UBE2H: variants seen among roughly 807,000 people sequenced by gnomAD.
The protein encoded by UBE2H is ubiquitin-conjugating enzyme E2 H.
A neutral mutation model predicts 29.0 loss-of-function variants in UBE2H; 3 were observed. The observed-to-expected ratio is 0.10, with a 90% CI of 0.05 to 0.27. The LOEUF (loss-of-function observed/expected upper bound fraction) is 0.27. UBE2H is among the 10% of genes least tolerant of loss of function. The pLI is 1.00. For missense variants in UBE2H, 68 were observed against 228.2 expected (o/e 0.30, Z 4.52); for synonymous variants, 69 against 82.9 (o/e 0.83, Z 0.91).
At chr7:129,858,162 AT>A (rs1227561103) in intron 4 of UBE2H, among the ~76,000 whole-genome samples, 1 of 152,232 alleles carries the variant, frequency 6.6e-6, no homozygotes, top group Non-Finnish European at 1.5e-5. Context: ...TTAAATAAGT[AT>A]TGCATTAACG....
intron 1 of UBE2H, among the ~76,000 whole-genome samples, chr7:129,900,869 GCCT>G (rs1317137555): frequency 6.6e-6 from 1 of 150,670 alleles, no homozygotes; most frequent in Non-Finnish European, 1.5e-5. Context: ...TCCTGCCTCA[GCCT>G]CCTGAGTAGC....
intron 1 of UBE2H, among the ~76,000 whole-genome samples, chr7:129,934,510 CA>C (rs1293715384): frequency 6.6e-6 from 1 of 150,920 alleles, no homozygotes; most frequent in Non-Finnish European, 1.5e-5. Flanking sequence ...TGGTCGTGGG[CA>C]CCTGTAATCC....
intron 3 of UBE2H, among the ~76,000 whole-genome samples, chr7:129,873,425 C>CT (rs373132869): frequency 0.18 from 22,574 of 122,910 alleles, 2,193 homozygotes; most frequent in African/African-American, 0.29. Flanking sequence ...ACATCAAATT[C>CT]TTTTTTTTTT....
intron 1 of UBE2H, among the ~76,000 whole-genome samples, chr7:129,929,047 G>C (rs1232761247): frequency 1.3e-5 from 2 of 152,118 alleles, no homozygotes; most frequent in East Asian, 3.8e-4. Flanking sequence ...GGCCAGGCAC[G>C]GTGGCTCACG....
intron 2 of UBE2H, 129 bp downstream of exon 2, chr7:129,880,766 C>G: frequency 1.5e-6 from 1 of 685,604 alleles, no homozygotes; most frequent in Non-Finnish European, 2.4e-6. Context: ...AAGATTTCCT[C>G]ACTGGTTCTG....
chr7:129,889,529 G>A (rs1454226242), intron 1 of UBE2H, among the ~76,000 whole-genome samples: 1 of 152,164 alleles, frequency 6.6e-6, no homozygotes. Flanking sequence ...TCTCAGTGAG[G>A]CCTTCTGGGA....
intron 1 of UBE2H, among the ~76,000 whole-genome samples, chr7:129,940,130 T>C (rs912663325): frequency 4.6e-5 from 7 of 152,188 alleles, no homozygotes; most frequent in African/African-American, 1.7e-4. Flanking sequence ...GTTTTCTATT[T>C]ATATTACCTC....
At chr7:129,885,918 G>A (rs536032804) in intron 1 of UBE2H, among the ~76,000 whole-genome samples, 8 of 152,262 alleles carry the variant, frequency 5.3e-5, no homozygotes, top group African/African-American at 1.9e-4. Flanking sequence ...ATTTATGGGA[G>A]AGACCACGAG....
chr7:129,869,372 C>T (rs1805982484), intron 3 of UBE2H, among the ~76,000 whole-genome samples: 1 of 152,062 alleles, frequency 6.6e-6, no homozygotes, highest in Non-Finnish European at 1.5e-5. Flanking sequence ...ATCTCCTATC[C>T]TACCAATCCC....
chr7:129,944,734 A>G (rs868343709), intron 1 of UBE2H, among the ~76,000 whole-genome samples: 1 of 134,426 alleles, frequency 7.4e-6, no homozygotes, highest in South Asian at 2.6e-4. Flanking sequence ...ACACACACAC[A>G]CACACACACA....
rs1420775022 is a variant in UBE2H at position 129,839,405 on chromosome 7, G to A, written c.299-70C>T. 4.4e-6 allele frequency: 7 copies of A among 1,598,800 alleles called. No individual in the cohort carries two copies. The African/African-American group carries it at 5.4e-5, about 12-fold the overall frequency. ...ACCTAAAATTCACTTGCATTCAGTA[G>A]TCAAGCTGCTTACCTTCTTAGATAT... On this transcript the variant is annotated intron_variant, in intron 5 of 6. Coordinates refer to ENST00000355621, the MANE Select transcript of UBE2H (RefSeq NM_003344.4).
intron 5 of UBE2H, among the ~76,000 whole-genome samples, chr7:129,840,282 C>T (rs2631606): frequency 0.29 from 44,044 of 151,884 alleles, 8,241 homozygotes; most frequent in Non-Finnish European, 0.42. Context: ...AACTCTTGGG[C>T]TCAAGCCAAC....
At chr7:129,936,946 C>T (rs1283312112) in intron 1 of UBE2H, among the ~76,000 whole-genome samples, 1 of 151,600 alleles carries the variant, frequency 6.6e-6, no homozygotes, top group Non-Finnish European at 1.5e-5. Context: ...CCACTATACT[C>T]CAGCCTGGGC....
intron 1 of UBE2H, among the ~76,000 whole-genome samples, chr7:129,924,935 C>G (rs970520111): frequency 6.6e-6 from 1 of 151,412 alleles, no homozygotes; most frequent in African/African-American, 2.4e-5. Flanking sequence ...GTTGAGGGTA[C>G]AAGCTAAACT....
intron 1 of UBE2H, among the ~76,000 whole-genome samples, chr7:129,896,336 CA>C (rs879287197): frequency 5.0e-5 from 7 of 140,248 alleles, no homozygotes; most frequent in African/African-American, 1.6e-4. Flanking sequence ...GACTCCGTCT[CA>C]AAAAAAAAAC....
chr7:129,898,825 T>TTC (rs74517810), intron 1 of UBE2H, among the ~76,000 whole-genome samples: 1 of 151,548 alleles, frequency 6.6e-6, no homozygotes, highest in African/African-American at 2.4e-5. Context: ...TTTTTTTTTT[T>TTC]TCTTGTCTTT....
At chr7:129,847,290 T>C (rs1443287220) in intron 5 of UBE2H, among the ~76,000 whole-genome samples, 1 of 152,196 alleles carries the variant, frequency 6.6e-6, no homozygotes, top group Non-Finnish European at 1.5e-5. Flanking sequence ...TCCATCCACC[T>C]CAGACTCCCA....
In UBE2H at chr7:129,867,794, AC is replaced by A. The variant is rs541458444; in HGVS notation, c.206-8854del. Among the ~76,000 whole-genome samples the A allele has an allele frequency of 7.3e-3, 1,090 of 149,090 alleles. 3 individuals carry two copies. Among genetic ancestry groups the A allele is most frequent in the Non-Finnish European group, 0.012 (803 of 66,992 alleles). On this transcript the variant is annotated intron_variant, in intron 3 of 6. Transcript: ENST00000355621. ...GCAAAAATTAGATTAAAAAAAAAAA[AC>A]ATCCTGACTGCATTTGGTATAGTTA...
intron 3 of UBE2H, chr7:129,864,900 A>G (rs746960839): frequency 3.5e-4 from 82 of 234,606 alleles, no homozygotes; most frequent in Non-Finnish European, 6.0e-4. Flanking sequence ...GACCAGATTA[A>G]AATCAGAACT....
Sources: gnomAD v4.1 joint callset for allele counts (sites outside exome capture counted in the v4.1 genomes callset) on GRCh38, gnomAD v4.1.1 for gene constraint, MANE v1.5 for transcripts, NCBI Gene and HGNC (gene_info 2026-07-23, HGNC 2026-07-21) for gene names.